ANXA2: variants seen among roughly 807,000 people sequenced by gnomAD.
ANXA2 encodes the protein annexin II.
ANXA2 carries 28 observed loss-of-function variants against 47.3 expected under a neutral mutation model. That is an observed-to-expected ratio of 0.59 (90% confidence interval 0.44 to 0.81). The LOEUF is 0.81. ANXA2 is among the 40% of genes least tolerant of loss of function. ANXA2 has a pLI of 0.00. For synonymous variants in ANXA2, 172 were observed against 155.5 expected (o/e 1.11, Z -0.79); for missense variants, 384 against 414.3 (o/e 0.93, Z 0.64).
At chr15:60,369,591 C>T (rs1340632229) in intron 3 of ANXA2, among the ~76,000 whole-genome samples, 2 of 152,138 alleles carry the variant, frequency 1.3e-5, no homozygotes, top group African/African-American at 2.4e-5. Context: ...GGTTCTTGGC[C>T]CCACCTGCAT....
chr15:60,354,018 CTG>C (rs1215089319), intron 8 of ANXA2, 134 bp downstream of exon 8: 17 of 639,574 alleles, frequency 2.7e-5, no homozygotes, highest in Non-Finnish European at 3.9e-5. Context: ...CACACAGAAA[CTG>C]AGAAATAATA....
intron 3 of ANXA2, among the ~76,000 whole-genome samples, chr15:60,367,186 T>C (rs866209690): frequency 0.64 from 13,033 of 20,320 alleles, 4,280 homozygotes; most frequent in Admixed American, 0.74. Context: ...CAGCCCCCCG[T>C]CCGGCCAGCC....
chr15:60,371,221 C>T (rs1304582089), intron 3 of ANXA2, among the ~76,000 whole-genome samples: 1 of 152,180 alleles, frequency 6.6e-6, no homozygotes. Context: ...ATCGTGGGCA[C>T]CCCCAGAGGT....
intron 6 of ANXA2, among the ~76,000 whole-genome samples, chr15:60,356,816 C>G (rs557232144): frequency 8.5e-4 from 130 of 152,306 alleles, no homozygotes; most frequent in Non-Finnish European, 1.7e-3. Context: ...CACTGAACAG[C>G]GCCCAATAAG....
intron 5 of ANXA2, among the ~76,000 whole-genome samples, chr15:60,357,975 G>A (rs990045476): frequency 2.0e-5 from 3 of 151,966 alleles, no homozygotes; most frequent in Admixed American, 6.6e-5. Flanking sequence ...AACAATTCTC[G>A]CTAAAATAAA....
In ANXA2 at chr15:60,347,505, G is replaced by C. The variant is rs1895772246; in HGVS notation, c.*125C>G. 5 of 844,932 alleles carry C rather than the reference G, an allele frequency of 5.9e-6. No homozygotes were observed. The highest frequency in any genetic ancestry group is 1.7e-5 in the African/African-American group (1 of 59,502). 52.3% of individuals were successfully genotyped at this position (844,932 alleles called of 1,614,324 possible). On this transcript the variant is annotated 3_prime_UTR_variant, in exon 13 of 13. Coordinates refer to ENST00000451270, the MANE Select transcript of ANXA2 (RefSeq NM_004039.3). ...GCTTAGGCAACTAAAATGAGGTTGGGGGTAATGCTAACGTCACCCTCACAG... is the reference window on the plus strand; with the variant it reads ...GCTTAGGCAACTAAAATGAGGTTGGCGGTAATGCTAACGTCACCCTCACAG...
intron 1 of ANXA2, chr15:60,397,213 C>T: frequency 1.1e-5 from 10 of 929,826 alleles, no homozygotes; most frequent in Non-Finnish European, 1.3e-5. Flanking sequence ...CACATCATGG[C>T]GAGTAACAGG....
At chr15:60,366,661 T>A (rs1215013498) in intron 3 of ANXA2, among the ~76,000 whole-genome samples, 4 of 136,934 alleles carry the variant, frequency 2.9e-5, no homozygotes, top group Admixed American at 7.0e-5. Context: ...AGCCACCCCG[T>A]CCGGGAGGGA....
At chr15:60,388,046 G>C (rs904717704) in intron 1 of ANXA2, among the ~76,000 whole-genome samples, 3 of 152,002 alleles carry the variant, frequency 2.0e-5, no homozygotes, top group African/African-American at 7.3e-5. Context: ...AAATTAGCTG[G>C]GCGTGGGGGC....
chr15:60,354,642 GAAAGA>G (rs2062399212), intron 7 of ANXA2, among the ~76,000 whole-genome samples: 1 of 141,542 alleles, frequency 7.1e-6, no homozygotes, highest in Non-Finnish European at 1.5e-5. Context: ...AAAAAAGAAA[GAAAGA>G]AAAGAAAAAG....
At chr15:60,368,468 T>G (rs540837800) in intron 3 of ANXA2, among the ~76,000 whole-genome samples, 1 of 152,232 alleles carries the variant, frequency 6.6e-6, no homozygotes, top group South Asian at 2.1e-4. Context: ...TAAATGTTCT[T>G]TTTTCCATGT....
intron 2 of ANXA2, chr15:60,384,458 TA>T (rs2062906428): frequency 6.6e-6 from 1 of 152,212 alleles, no homozygotes; most frequent in Non-Finnish European, 1.5e-5. Flanking sequence ...TTTCTTTCCT[TA>T]AAATAATGGG....
intron 3 of ANXA2, chr15:60,374,700 C>T (rs1203566257): frequency 4.4e-6 from 2 of 455,964 alleles, no homozygotes; most frequent in African/African-American, 2.0e-5. Context: ...GATACATAGA[C>T]AAATATCACT....
intron 5 of ANXA2, among the ~76,000 whole-genome samples, chr15:60,359,196 A>G (rs1390453394): frequency 2.0e-5 from 3 of 152,202 alleles, no homozygotes; most frequent in African/African-American, 7.2e-5. Flanking sequence ...TCAGCAGTTA[A>G]AGCACCTTCC....
intron 10 of ANXA2, 28 bp from the exon 11 acceptor site, chr15:60,351,279 C>A (rs1420942853): frequency 1.2e-6 from 2 of 1,611,630 alleles, no homozygotes; most frequent in South Asian, 2.2e-5. Flanking sequence ...GGAGTCAGCG[C>A]TGCAGCTGCT....
At chr15:60,377,890 C>G (rs546023786) in intron 3 of ANXA2, among the ~76,000 whole-genome samples, 1 of 151,940 alleles carries the variant, frequency 6.6e-6, no homozygotes, top group Non-Finnish European at 1.5e-5. Flanking sequence ...GAGTGCGAGA[C>G]GAGCCTGGCC....
At chr15:60,387,912 G>A (rs185058966) in intron 1 of ANXA2, among the ~76,000 whole-genome samples, 142 of 152,244 alleles carry the variant, frequency 9.3e-4, no homozygotes, top group Non-Finnish European at 1.6e-3. Flanking sequence ...ACAATCGGCC[G>A]GGTGCGGTGG....
intron 1 of ANXA2, chr15:60,393,031 T>C: frequency 1.6e-6 from 2 of 1,288,002 alleles, no homozygotes; most frequent in African/African-American, 1.5e-5. Flanking sequence ...TCTTTATTTA[T>C]CAGAACCTTT....
In ANXA2 at chr15:60,356,085, G is replaced by A. The variant is rs1166572558; in HGVS notation, c.449-87C>T. The A allele has an allele frequency of 6.9e-6, 7 of 1,010,178 alleles. No homozygotes were observed. In the Admixed American group the frequency reaches 9.1e-5, roughly 13 times the overall value. The allele number at this position is 1,010,178 out of a possible 1,614,324, so 62.6% of individuals were successfully genotyped here. ...TCTCCCCATTTCCCACTAAGACTCT[G>A]AGAAGCAGAACAGCTACGTCAGCTG... On this transcript the variant is annotated intron_variant, in intron 6 of 12. Coordinates refer to ENST00000451270, the MANE Select transcript of ANXA2 (RefSeq NM_004039.3).
Sources: gnomAD v4.1 joint callset for allele counts (sites outside exome capture counted in the v4.1 genomes callset) on GRCh38, gnomAD v4.1.1 for gene constraint, MANE v1.5 for transcripts, NCBI Gene and HGNC (gene_info 2026-07-23, HGNC 2026-07-21) for gene names.